Variants in GPR39 observed in about 807,000 individuals in gnomAD.
GPR39 encodes the protein zinc sensing receptor.
A neutral mutation model predicts 18.4 loss-of-function variants in GPR39; 23 were observed. The ratio of observed to expected loss-of-function variants is 1.25; its 90% CI spans 0.90 to 1.77. GPR39 has a LOEUF of 1.77. Ranked by LOEUF, GPR39 falls within the 40% of genes most tolerant of loss-of-function variation. The pLI is 0.00. For missense variants in GPR39, 647 were observed against 602.4 expected, an observed-to-expected ratio of 1.07 and a Z score of -0.78; for synonymous variants, 280 against 257.9, an observed-to-expected ratio of 1.09 and a Z score of -0.82.
At position 132,629,193 on chromosome 2, in the gene GPR39, G is replaced by A. The variant is rs548544232; in HGVS notation, c.857-15908G>A. Among the ~76,000 whole-genome samples the A allele has an allele frequency of 4.0e-4, 61 of 152,290 alleles. 2 individuals carry two copies. The South Asian group carries it at 0.011, about 28-fold the overall frequency. On this transcript the variant is annotated intron_variant, in intron 1 of 1. Coordinates refer to ENST00000329321, the MANE Select transcript of GPR39 (RefSeq NM_001508.3). ...ATAAGGCTTGGAAGACAGGCAGCAG[G>A]GAAGTTACAAAAGGCTTAGATGTGA...
At chr2:132,497,926 T>TG (rs980635586) in intron 1 of GPR39, among the ~76,000 whole-genome samples, 26 of 152,178 alleles carry the variant, frequency 1.7e-4, no homozygotes, top group African/African-American at 5.5e-4. Flanking sequence ...TTAAAATGTA[T>TG]GGAAAAACAA....
chr2:132,641,933 C>T (rs1681863531), intron 1 of GPR39, among the ~76,000 whole-genome samples: 1 of 152,166 alleles, frequency 6.6e-6, no homozygotes, highest in Non-Finnish European at 1.5e-5. Flanking sequence ...ATTTTGGAGT[C>T]TGGCAAAGAT....
rs983479208 is a variant in GPR39, at chr2:132,455,701, G to A, written c.856+37803G>A. Among the ~76,000 whole-genome samples the A allele has an allele frequency of 1.2e-4, 19 of 152,158 alleles. No homozygotes were observed. In the East Asian group the frequency reaches 3.3e-3, roughly 26 times the overall value. ...TTGTGTCTTTGTTCTCATTGGTTTC[G>A]AAGAGCATCTTTATTTCTGCGTTCA... On this transcript the variant is annotated intron_variant, in intron 1 of 1. Transcript: ENST00000329321.
In GPR39 at chr2:132,612,836, T is replaced by A. The variant is rs551841199; in HGVS notation, c.857-32265T>A. 3.3e-5 allele frequency among the ~76,000 whole-genome samples: 5 copies of A among 152,300 alleles called. No homozygotes were observed. In the East Asian group the frequency reaches 9.6e-4, roughly 29 times the overall value. On this transcript the variant is annotated intron_variant, in intron 1 of 1. Transcript: ENST00000329321. ...TTCTACATAAATTTTAGAATCGGAG[T>A]GTAAATGTCTACAAAATATGTGCTA...
In GPR39 at chr2:132,535,086, G is replaced by T. The variant is rs543513378; in HGVS notation, c.857-110015G>T. On this transcript the variant is annotated intron_variant, in intron 1 of 1. Coordinates refer to ENST00000329321, the MANE Select transcript of GPR39 (RefSeq NM_001508.3). Reference sequence around the variant, plus strand: ...CTTTATTTCTTTCTCTTGCCTGATTGCCCTAATGAGAACTTCCAGTACTAT... The same window carrying T: ...CTTTATTTCTTTCTCTTGCCTGATTTCCCTAATGAGAACTTCCAGTACTAT... 1.6e-4 allele frequency among the ~76,000 whole-genome samples: 24 copies of T among 152,114 alleles called. 1 individual carries two copies. Among genetic ancestry groups the T allele is most frequent in the African/African-American group, 5.5e-4 (23 of 41,512 alleles).
At chr2:132,581,581 G>A (rs1231254556) in intron 1 of GPR39, among the ~76,000 whole-genome samples, 2 of 152,076 alleles carry the variant, frequency 1.3e-5, no homozygotes, top group African/African-American at 4.8e-5. Context: ...TGTGGGGCAG[G>A]CACTGAACCC....
intron 1 of GPR39, among the ~76,000 whole-genome samples, chr2:132,582,866 G>A (rs1456345202): frequency 7.3e-5 from 11 of 149,710 alleles, no homozygotes; most frequent in Non-Finnish European, 1.5e-5. Flanking sequence ...TTCACAACAA[G>A]CATTGGAAAA....
At chr2:132,480,754 AG>A (rs1265644567) in intron 1 of GPR39, among the ~76,000 whole-genome samples, 1 of 152,178 alleles carries the variant, frequency 6.6e-6, no homozygotes, top group African/African-American at 2.4e-5. Context: ...TTCTGACTGC[AG>A]GTTGTGGCCA....
At chr2:132,486,660 T>G (rs1681345829) in intron 1 of GPR39, among the ~76,000 whole-genome samples, 1 of 152,238 alleles carries the variant, frequency 6.6e-6, no homozygotes, top group South Asian at 2.1e-4. Context: ...GTAGTTTCCT[T>G]ACTTCCCTCA....
chr2:132,439,259 ATTCT>A (rs1254968628), intron 1 of GPR39, among the ~76,000 whole-genome samples: 1 of 152,228 alleles, frequency 6.6e-6, no homozygotes, highest in Non-Finnish European at 1.5e-5. Flanking sequence ...TGAGCAACTA[ATTCT>A]TTATTTTATT....
At chr2:132,626,289 T>C (rs949964702) in intron 1 of GPR39, among the ~76,000 whole-genome samples, 16 of 152,154 alleles carry the variant, frequency 1.1e-4, no homozygotes, top group Middle Eastern at 3.2e-3. Context: ...ACAGGGTCAT[T>C]GGAGGCATTG....
rs142959944 is a variant in GPR39, at chr2:132,490,446, A to G, written c.856+72548A>G. 3.3e-5 allele frequency among the ~76,000 whole-genome samples: 5 copies of G among 152,080 alleles called. No homozygotes were observed. The East Asian group carries it at 9.7e-4, about 29-fold the overall frequency. ...AGGAGGTTTATTCGATATTTAACGT[A>G]TACTTAATGGTCATCTGCTGTATTC... On this transcript the variant is annotated intron_variant, in intron 1 of 1. Coordinates refer to ENST00000329321, the MANE Select transcript of GPR39 (RefSeq NM_001508.3).
At chr2:132,517,011 G>T (rs1380423776) in intron 1 of GPR39, among the ~76,000 whole-genome samples, 3 of 152,000 alleles carry the variant, frequency 2.0e-5, no homozygotes, top group Admixed American at 1.3e-4. Flanking sequence ...CCATCTATAG[G>T]GTCCTGGCTA....
intron 1 of GPR39, among the ~76,000 whole-genome samples, chr2:132,567,622 G>C (rs1019654611): frequency 6.6e-6 from 1 of 152,140 alleles, no homozygotes; most frequent in African/African-American, 2.4e-5. Context: ...CCGGTGTTAG[G>C]TATTCAGCTA....
intron 1 of GPR39, among the ~76,000 whole-genome samples, chr2:132,554,162 A>T (rs1308494792): frequency 6.6e-6 from 1 of 152,214 alleles, no homozygotes; most frequent in Non-Finnish European, 1.5e-5. Flanking sequence ...GTCAGTAGAC[A>T]TGGAAAACTG....
intron 1 of GPR39, among the ~76,000 whole-genome samples, chr2:132,578,809 C>A (rs1415936241): frequency 6.6e-6 from 1 of 150,680 alleles, no homozygotes; most frequent in African/African-American, 2.4e-5. Flanking sequence ...CTTTTAATAT[C>A]TTCAAGGTCT....
chr2:132,603,315 A>G (rs1043990275), intron 1 of GPR39, among the ~76,000 whole-genome samples: 4 of 152,178 alleles, frequency 2.6e-5, no homozygotes, highest in Non-Finnish European at 5.9e-5. Context: ...CATGTGGGAG[A>G]TAAAAAAAAT....
intron 1 of GPR39, among the ~76,000 whole-genome samples, chr2:132,535,089 C>G (rs1679727943): frequency 6.6e-6 from 1 of 152,084 alleles, no homozygotes; most frequent in Non-Finnish European, 1.5e-5. Flanking sequence ...CCTGATTGCC[C>G]TAATGAGAAC....
At chr2:132,554,609 C>G (rs1321907970) in intron 1 of GPR39, among the ~76,000 whole-genome samples, 1 of 152,100 alleles carries the variant, frequency 6.6e-6, no homozygotes, top group African/African-American at 2.4e-5. Flanking sequence ...AGTGACCTGC[C>G]CCATCAGCAA....
Sources: gnomAD v4.1 joint callset for allele counts (sites outside exome capture counted in the v4.1 genomes callset) on GRCh38, gnomAD v4.1.1 for gene constraint, MANE v1.5 for transcripts, NCBI Gene and HGNC (gene_info 2026-07-23, HGNC 2026-07-21) for gene names.